PRDM16: variants seen among roughly 807,000 people sequenced by gnomAD.
The protein encoded by PRDM16 is histone-lysine N-methyltransferase PRDM16.
A neutral mutation model predicts 110.6 loss-of-function variants in PRDM16; 23 were observed. The ratio of observed to expected loss-of-function variants is 0.21; its 90% CI spans 0.15 to 0.29. PRDM16 has a LOEUF of 0.29. Ranked by LOEUF, PRDM16 falls within the 10% of genes least tolerant of loss-of-function variation. PRDM16 has a pLI of 1.00. For synonymous variants in PRDM16, 799 were observed against 781.8 expected (o/e 1.02, Z -0.37); for missense variants, 1,615 against 1,794.3 (o/e 0.90, Z 1.81).
chr1:3,310,440 C>A (rs551427123), intron 3 of PRDM16, among the ~76,000 whole-genome samples: 18 of 152,342 alleles, frequency 1.2e-4, no homozygotes, highest in African/African-American at 4.3e-4. Context: ...AGTCCCTGTG[C>A]CTCCTCTGAG....
intron 2 of PRDM16, among the ~76,000 whole-genome samples, chr1:3,196,092 G>T (rs1252020096): frequency 2.0e-5 from 3 of 152,234 alleles, no homozygotes; most frequent in Non-Finnish European, 4.4e-5. Flanking sequence ...GTCCCGCTCA[G>T]TGACCCCAGC....
intron 1 of PRDM16, among the ~76,000 whole-genome samples, chr1:3,173,781 C>G (rs115133463): frequency 6.6e-6 from 1 of 152,152 alleles, no homozygotes; most frequent in Non-Finnish European, 1.5e-5. Flanking sequence ...GTCATGGGGC[C>G]GAGGCTCCGT....
intron 1 of PRDM16, among the ~76,000 whole-genome samples, chr1:3,077,616 C>T (rs1191678094): frequency 6.6e-6 from 1 of 152,182 alleles, no homozygotes; most frequent in Non-Finnish European, 1.5e-5. Context: ...TACAATGTCT[C>T]CTCCAATCAG....
At chr1:3,354,324 G>T (rs1570123036) in intron 3 of PRDM16, among the ~76,000 whole-genome samples, 1 of 152,104 alleles carries the variant, frequency 6.6e-6, no homozygotes. Context: ...GCCAGGCGTT[G>T]TGGTGCGTGT....
chr1:3,082,241 GC>G (rs1642046995), intron 1 of PRDM16, among the ~76,000 whole-genome samples: 1 of 152,230 alleles, frequency 6.6e-6, no homozygotes, highest in Non-Finnish European at 1.5e-5. Flanking sequence ...GTGCAGTCAG[GC>G]CCTGTGTGGT....
At position 3,266,711 on chromosome 1, in the gene PRDM16, T is replaced by C. The variant is rs963527547; in HGVS notation, c.438+22574T>C. ...TATGTTTGAGACGGAGTCTTGCTCT[T>C]GTTGCCCAGGCTGGAGTGCAACGGC... On this transcript the variant is annotated intron_variant, in intron 3 of 16. Transcript: ENST00000270722. Among the ~76,000 whole-genome samples, 3 of 152,234 alleles carry C rather than the reference T, an allele frequency of 2.0e-5. No individual in the cohort carries two copies. The South Asian group carries it at 6.2e-4, about 31-fold the overall frequency.
chr1:3,296,360 T>C (rs1251648947), intron 3 of PRDM16, among the ~76,000 whole-genome samples: 1 of 152,212 alleles, frequency 6.6e-6, no homozygotes, highest in Non-Finnish European at 1.5e-5. Flanking sequence ...GAAATGGACA[T>C]AAACCCGTCC....
At chr1:3,220,765 G>A (rs1449457860) in intron 2 of PRDM16, among the ~76,000 whole-genome samples, 1 of 152,172 alleles carries the variant, frequency 6.6e-6, no homozygotes, top group Non-Finnish European at 1.5e-5. Context: ...GGCAGCCCAG[G>A]GTGCAGGGCT....
At chr1:3,266,586 C>G (rs1300544035) in intron 3 of PRDM16, among the ~76,000 whole-genome samples, 1 of 152,218 alleles carries the variant, frequency 6.6e-6, no homozygotes, top group South Asian at 2.1e-4. Flanking sequence ...ATCTCAGACC[C>G]GCTTGTCTCG....
rs568453071 is a variant in PRDM16, at chr1:3,261,781, G to A, written c.438+17644G>A. ...TGGCGTTCAGCCTGCCCCGCCCTCC[G>A]TCCTGGTCCCCACCCTCCATCCTGG... On this transcript the variant is annotated intron_variant, in intron 3 of 16. Coordinates refer to ENST00000270722, the MANE Select transcript of PRDM16 (RefSeq NM_022114.4). Among the ~76,000 whole-genome samples, 9 of 152,208 alleles carry A rather than the reference G, an allele frequency of 5.9e-5. No homozygotes were observed. In the East Asian group the frequency reaches 7.8e-4, roughly 13 times the overall value.
At chr1:3,145,218 A>C (rs1040522406) in intron 1 of PRDM16, among the ~76,000 whole-genome samples, 1 of 152,080 alleles carries the variant, frequency 6.6e-6, no homozygotes. Context: ...CCTGGTTGCT[A>C]TCTAGGAACG....
rs570195717 is a variant in PRDM16 at position 3,112,906 on chromosome 1, C to A, written c.37+43610C>A. ...ACGGGGTCCCGGGCCATCCTTCTTG[C>A]GGGGAGAGCCTGTGGGAACTCACTG... On this transcript the variant is annotated intron_variant, in intron 1 of 16. Transcript: ENST00000270722. 2.6e-4 allele frequency among the ~76,000 whole-genome samples: 40 copies of A among 152,352 alleles called. No homozygotes were observed. In the Middle Eastern group the frequency reaches 0.017, roughly 65 times the overall value.
intron 8 of PRDM16, 131 bp downstream of exon 8, chr1:3,405,779 G>C: frequency 2.2e-6 from 2 of 927,132 alleles, no homozygotes; most frequent in South Asian, 3.9e-5. Context: ...AGCACTCATG[G>C]CAGGTTCTGA....
At chr1:3,410,027 ATG>A (rs1377527218) in intron 8 of PRDM16, among the ~76,000 whole-genome samples, 3 of 125,524 alleles carry the variant, frequency 2.4e-5, no homozygotes, top group Admixed American at 8.5e-5. Context: ...CTGTGTGTGC[ATG>A]TGTGTGATTG....
intron 1 of PRDM16, among the ~76,000 whole-genome samples, chr1:3,170,483 G>A (rs1644013296): frequency 6.6e-6 from 1 of 152,214 alleles, no homozygotes; most frequent in Non-Finnish European, 1.5e-5. Flanking sequence ...GTTTATCCAG[G>A]GAGGGTCCTC....
At chr1:3,095,621 A>G (rs1642378215) in intron 1 of PRDM16, among the ~76,000 whole-genome samples, 1 of 152,240 alleles carries the variant, frequency 6.6e-6, no homozygotes, top group African/African-American at 2.4e-5. Flanking sequence ...CTCCTCCTTC[A>G]GATGCCCTAG....
chr1:3,383,825 G>A (rs1643148229), intron 3 of PRDM16, among the ~76,000 whole-genome samples: 1 of 139,346 alleles, frequency 7.2e-6, no homozygotes, highest in Admixed American at 7.7e-5. Context: ...AGACACACCT[G>A]CTCAAAGACA....
At position 3,359,369 on chromosome 1, in the gene PRDM16, C is replaced by G. The variant is rs975773623; in HGVS notation, c.439-25783C>G. Among the ~76,000 whole-genome samples, 1 of 152,208 alleles carries G rather than the reference C, an allele frequency of 6.6e-6. No individual in the cohort carries two copies. The highest frequency in any genetic ancestry group is 1.5e-5 in the Non-Finnish European group (1 of 68,032). On this transcript the variant is annotated intron_variant, in intron 3 of 16. Transcript: ENST00000270722. This position sits in a 1 kb window ranked among gnomAD's most constrained non-coding sequence, Gnocchi z 4.3. Reference sequence around the variant, plus strand: ...AACAGCCTCAGAACTATCAGGGTCTCCCTTCCGACCAGGGCCTGAGGCAGA... The same window carrying G: ...AACAGCCTCAGAACTATCAGGGTCTGCCTTCCGACCAGGGCCTGAGGCAGA...
intron 3 of PRDM16, among the ~76,000 whole-genome samples, chr1:3,281,184 G>A (rs1640704470): frequency 6.6e-6 from 1 of 152,194 alleles, no homozygotes; most frequent in Non-Finnish European, 1.5e-5. Flanking sequence ...TCTTCAACTC[G>A]AAACGTTGCC....
Sources: gnomAD v4.1 joint callset for allele counts (sites outside exome capture counted in the v4.1 genomes callset) on GRCh38, gnomAD v4.1.1 for gene constraint, Gnocchi (gnomAD v3.1) non-coding constraint, MANE v1.5 for transcripts, NCBI Gene and HGNC (gene_info 2026-07-23, HGNC 2026-07-21) for gene names.